BRAT1: variants seen among roughly 807,000 people sequenced by gnomAD.
BRAT1 encodes BRCA1 associated ATM activator 1, also known as integrator complex assembly factor BRAT1.
In BRAT1, 74 loss-of-function variants were observed where a neutral mutation model predicts 70.6. The observed-to-expected ratio is 1.05, with a 90% CI of 0.87 to 1.27. The LOEUF (loss-of-function observed/expected upper bound fraction) is 1.27, where lower values mean the gene tolerates loss of function less well. BRAT1 is among the 50% of genes most tolerant of loss of function. The pLI, the probability that BRAT1 is intolerant of heterozygous loss-of-function variation, is 0.00. For synonymous variants in BRAT1, 615 were observed against 517.1 expected (o/e 1.19, Z -2.57); for missense variants, 1,203 against 1,098.2 (o/e 1.10, Z -1.35).
intron 2 of BRAT1, among the ~76,000 whole-genome samples, chr7:2,550,481 C>CAAAAAAAAAAAAAAAAAAAA (rs369777124): frequency 8.2e-4 from 47 of 57,218 alleles, no homozygotes; most frequent in Admixed American, 1.1e-3. Flanking sequence ...AAAAAAAAAA[C>CAAAAAAAAAAAAAAAAAAAA]AAAAAAAAAA....
Position 2,538,479 on chromosome 7 carries a change from G to T in BRAT1, c.2056C>A (p.Gln686Lys). 6.2e-7 allele frequency: 1 copy of T among 1,612,312 alleles called. No homozygotes were observed. Among genetic ancestry groups the T allele is most frequent in the Non-Finnish European group, 8.5e-7 (1 of 1,179,886 alleles). The change falls in exon 14 of 14, where the codon CAG becomes AAG. Residue 686 changes from glutamine (Q) to lysine (K), a missense_variant. By Grantham distance (53) the Gln-to-Lys change is moderately conservative. Transcript: ENST00000340611. ...GCCCTCAGTGCCTCGGTGAGTGGCT[G>T]GGCTGGGGCCACCTCGGGTAGGGCC... The part of the protein sequence containing the change: ...AVALPEVAPA[Q>K]PLTEALRALC...
chr7:2,546,986 G>A (rs1373835762), intron 3 of BRAT1, among the ~76,000 whole-genome samples: 3 of 151,622 alleles, frequency 2.0e-5, no homozygotes, highest in Non-Finnish European at 4.4e-5. Flanking sequence ...AGGAAGAGAC[G>A]GAGGCCACGG....
intron 12 of BRAT1, 48 bp downstream of exon 12, chr7:2,539,496 A>G: frequency 6.6e-7 from 1 of 1,513,476 alleles, no homozygotes; most frequent in Non-Finnish European, 8.9e-7. Flanking sequence ...TGGCTCAGTG[A>G]GCCCCCCACA....
At chr7:2,554,137 G>A (rs1780237735) in intron 2 of BRAT1, among the ~76,000 whole-genome samples, 168 bp downstream of exon 2, 2 of 152,136 alleles carry the variant, frequency 1.3e-5, no homozygotes, top group South Asian at 4.1e-4. Context: ...ATCTTAACTT[G>A]CCCTCAGTCT....
chr7:2,551,444 A>G (rs796856841), intron 2 of BRAT1, among the ~76,000 whole-genome samples: 2 of 151,966 alleles, frequency 1.3e-5, no homozygotes, highest in African/African-American at 2.4e-5. Flanking sequence ...TAATCCCAGC[A>G]CTTTGGGAAG....
intron 2 of BRAT1, 131 bp downstream of exon 2, chr7:2,554,173 AG>A (rs1201549921): frequency 7.9e-7 from 1 of 1,262,880 alleles, no homozygotes; most frequent in African/African-American, 1.5e-5. Context: ...TAGGAAGTGA[AG>A]GAAAGACATC....
chr7:2,548,040 C>T (rs1159482325), intron 2 of BRAT1, among the ~76,000 whole-genome samples: 1 of 148,748 alleles, frequency 6.7e-6, no homozygotes, highest in Admixed American at 6.8e-5. Context: ...GCCAAGACCA[C>T]GTCATTGCAC....
chr7:2,544,945 G>A lies in BRAT1; in HGVS notation c.394C>T (p.Gln132Ter). ...GWIQGLRSLA[Q>*]HPSALRFLAD... is the part of the protein sequence containing the mutation. ...AGGAAGCGCAGGGCGCTGGGGTGCT[G>A]TGCCAGGGAGCGCAGGCCCTGGATC... The change falls in exon 4 of 14, where the codon CAG (glutamine) becomes TAG (stop). Residue 132 changes from glutamine to a stop codon, truncating the protein, a stop_gained. Coordinates refer to ENST00000340611, the MANE Select transcript of BRAT1 (RefSeq NM_152743.4). LOFTEE classifies it high-confidence loss of function. 6.4e-7 allele frequency: 1 copy of A among 1,557,204 alleles called. No individual in the cohort carries two copies. The highest frequency in any genetic ancestry group is 1.7e-4 in the Middle Eastern group (1 of 5,780).
intron 4 of BRAT1, chr7:2,544,163 A>C (rs1312753741): frequency 1.6e-5 from 6 of 375,102 alleles, no homozygotes; most frequent in East Asian, 8.6e-5. Context: ...TTAAACACAC[A>C]CAGCTTGTGA....
intron 10 of BRAT1, chr7:2,540,769 A>G (rs1450750959): frequency 8.8e-6 from 4 of 453,298 alleles, no homozygotes; most frequent in Non-Finnish European, 1.5e-5. Context: ...GGCCCCACAC[A>G]CCCCTGCGTG....
intron 1 of BRAT1, among the ~76,000 whole-genome samples, chr7:2,554,921 G>A (rs2128416631): frequency 6.6e-6 from 1 of 152,268 alleles, no homozygotes; most frequent in Non-Finnish European, 1.5e-5. Context: ...ACGTCCTGAA[G>A]CCAGCAGGGG....
chr7:2,544,765 G>A, intron 4 of BRAT1, 144 bp downstream of exon 4: 3 of 1,307,814 alleles, frequency 2.3e-6, no homozygotes, highest in Non-Finnish European at 2.0e-6. Flanking sequence ...AGAGAACACT[G>A]GACAGCCGTA....
chr7:2,539,989 A>G, intron 10 of BRAT1, 101 bp from the exon 11 acceptor site: 2 of 807,086 alleles, frequency 2.5e-6, no homozygotes, highest in Non-Finnish European at 3.8e-6. Flanking sequence ...CTCCAGGGAC[A>G]GCAATGGGGA....
chr7:2,542,986 G>T (rs374632515), intron 6 of BRAT1: 1 of 454,246 alleles, frequency 2.2e-6, no homozygotes, highest in East Asian at 4.4e-5. Context: ...CACCTCTGGG[G>T]ATCTCGCAGA....
At position 2,538,695 on chromosome 7, in the gene BRAT1, G is replaced by C. The variant is rs1052110060; in HGVS notation, c.1840C>G (p.Gln614Glu). 1 of 1,598,422 alleles carries C rather than the reference G, an allele frequency of 6.3e-7. No individual in the cohort carries two copies. The highest frequency in any genetic ancestry group is 2.2e-5 in the East Asian group (1 of 44,862). The change falls in exon 14 of 14, where the codon CAA becomes GAA. Residue 614 changes from glutamine to glutamate, a missense_variant. Coordinates refer to ENST00000340611, the MANE Select transcript of BRAT1 (RefSeq NM_152743.4). ...SEGFPRRAVMQVFTEWLRDGH... is the reference protein window; with the variant it reads ...SEGFPRRAVMEVFTEWLRDGH... ...TCCCGCAGCCACTCAGTGAAGACTT[G>C]CATGACCGCCCGCCGTGGGAAGCCC... is the stretch of plus-strand genomic sequence containing the variant.
chr7:2,539,480 G>A, intron 12 of BRAT1, 64 bp downstream of exon 12: 1 of 1,503,732 alleles, frequency 6.7e-7, no homozygotes, highest in Non-Finnish European at 9.0e-7. Flanking sequence ...GGCTGCTGGT[G>A]CACCCTGGCT....
At chr7:2,552,108 T>TATATATA (rs1780081117) in intron 2 of BRAT1, among the ~76,000 whole-genome samples, 15 of 14,280 alleles carry the variant, frequency 1.1e-3, no homozygotes, top group African/African-American at 3.0e-3. Flanking sequence ...ATATATATAT[T>TATATATA]TTTTTTTTTT....
Position 2,544,015 on chromosome 7 carries a change from TG to T in BRAT1, c.431-54del, listed in dbSNP as rs891095549. 23 of 1,363,846 alleles carry T rather than the reference TG, an allele frequency of 1.7e-5. No homozygotes were observed. In the Admixed American group the frequency reaches 5.8e-4, roughly 34 times the overall value. 84.5% of individuals were successfully genotyped at this position (1,363,846 alleles called of 1,614,324 possible). A position where few individuals can be genotyped will look rare whatever the true frequency, so the allele number is the denominator to read the frequency against. Reference sequence around the variant, plus strand: ...AAAAGGGGGTGAGCCAGAATAGAGCTGGGGGAGGCAGAGGGCCTCAGGGAAG... The same window carrying T: ...AAAAGGGGGTGAGCCAGAATAGAGCTGGGGAGGCAGAGGGCCTCAGGGAAG... On this transcript the variant is annotated intron_variant, in intron 4 of 13. Coordinates refer to ENST00000340611, the MANE Select transcript of BRAT1 (RefSeq NM_152743.4).
In BRAT1 at chr7:2,543,068, CCA is replaced by C. The variant is rs1443064407; in HGVS notation, c.923+134_923+135del. The C allele has an allele frequency of 1.7e-6, 2 of 1,153,932 alleles. No individual in the cohort carries two copies. Among genetic ancestry groups the C allele is most frequent in the Admixed American group, 2.6e-5 (1 of 38,426 alleles). The allele number at this position is 1,153,932 out of a possible 1,614,324, so 71.5% of individuals were successfully genotyped here. ...CTGCCGCGCGCAACCCACGCACCACCCAGTCACACCCCGCACGGCCGCCTGAC... is the reference window on the plus strand; with the variant it reads ...CTGCCGCGCGCAACCCACGCACCACCGTCACACCCCGCACGGCCGCCTGAC... On this transcript the variant is annotated intron_variant, in intron 6 of 13. Transcript: ENST00000340611. This position sits in a 1 kb window ranked among gnomAD's most constrained non-coding sequence, Gnocchi z 5.5.
Sources: allele counts gnomAD v4.1 joint callset (sites outside exome capture counted in the v4.1 genomes callset), GRCh38; gene constraint gnomAD v4.1.1; non-coding constraint Gnocchi (gnomAD v3.1); transcripts MANE v1.5; gene names NCBI Gene and HGNC (gene_info 2026-07-23, HGNC 2026-07-21).